Variants in PCDHA1 observed in about 807,000 individuals in gnomAD.
PCDHA1 encodes the protein protocadherin alpha-1.
PCDHA1 carries 42 observed loss-of-function variants against 61.3 expected under a neutral mutation model. The observed-to-expected ratio is 0.69, with a 90% confidence interval of 0.54 to 0.89. The LOEUF (loss-of-function observed/expected upper bound fraction) is 0.89, where lower values mean the gene tolerates loss of function less well. PCDHA1 is among the 40% of genes least tolerant of loss of function. The pLI is 0.00. For synonymous variants in PCDHA1, 610 were observed against 553.8 expected, an observed-to-expected ratio of 1.10 and a Z score of -1.43; for missense variants, 1,256 against 1,235.3, an observed-to-expected ratio of 1.02 and a Z score of -0.25.
At chr5:140,896,191 C>T (rs987655303) in intron 1 of PCDHA1, among the ~76,000 whole-genome samples, 1 of 152,184 alleles carries the variant, frequency 6.6e-6, no homozygotes, top group African/African-American at 2.4e-5. Flanking sequence ...GTGAATAGTG[C>T]CATGATGAAC....
intron 1 of PCDHA1, chr5:140,884,203 C>G (rs554797854): frequency 6.2e-7 from 1 of 1,613,518 alleles, no homozygotes; most frequent in African/African-American, 1.3e-5. Context: ...CGCCGCACCA[C>G]CGCCTTCTGG....
chr5:140,788,405 C>A lies in PCDHA1; in HGVS notation c.2115C>A (p.Cys705Ter), dbSNP rs2149897953. ...DVNVYLIIAICAVSSLLVLTL... is the reference protein window; with the variant it reads ...DVNVYLIIAI ...ACGTGTACCTGATCATCGCCATCTG[C>A]GCGGTGTCCAGCCTGCTGGTGCTCA... is the stretch of plus-strand genomic sequence containing the variant. Residue 705 changes from cysteine (C) to a stop codon, truncating the protein, a stop_gained, in exon 1 of 4, where the codon TGC becomes TGA. Coordinates refer to ENST00000504120, the MANE Select transcript of PCDHA1 (RefSeq NM_018900.4). LOFTEE classifies it high-confidence loss of function. The A allele has an allele frequency of 1.2e-6, 2 of 1,614,090 alleles. No individual in the cohort carries two copies. The highest frequency in any genetic ancestry group is 1.7e-6 in the Non-Finnish European group (2 of 1,179,980).
intron 3 of PCDHA1, among the ~76,000 whole-genome samples, chr5:140,992,017 CTG>C (rs10602499): frequency 0.14 from 19,772 of 145,244 alleles, 1,405 homozygotes; most frequent in African/African-American, 0.18. Flanking sequence ...AGAGGTGGCT[CTG>C]TGTGTGTGTG....
chr5:140,929,614 A>G (rs1554207224), intron 1 of PCDHA1: 1 of 405,948 alleles, frequency 2.5e-6, no homozygotes, highest in African/African-American at 2.1e-5. Context: ...ATAAAATACC[A>G]AAATATTTTA....
intron 1 of PCDHA1, chr5:140,807,244 T>C: frequency 6.2e-7 from 1 of 1,614,190 alleles, no homozygotes; most frequent in Non-Finnish European, 8.5e-7. Flanking sequence ...TCTTACTTCT[T>C]CTCCTCGCAG....
At chr5:140,795,012 C>T (rs782681638) in intron 1 of PCDHA1, 3 of 1,613,756 alleles carry the variant, frequency 1.9e-6, no homozygotes, top group East Asian at 2.2e-5. Context: ...CACGGCTGCT[C>T]TCGCTTCTGC....
chr5:140,796,198 G>C (rs549114768), intron 1 of PCDHA1: 1 of 1,614,184 alleles, frequency 6.2e-7, no homozygotes, highest in Admixed American at 1.7e-5. Context: ...GCTGGACAGC[G>C]CCCTGGACCG....
At chr5:140,849,920 C>A in intron 1 of PCDHA1, 1 of 1,598,384 alleles carries the variant, frequency 6.3e-7, no homozygotes, top group Non-Finnish European at 8.6e-7. Context: ...GCCACATCTT[C>A]ACGGTGTCTG....
chr5:140,850,103 C>G (rs2150467019), intron 1 of PCDHA1: 2 of 1,596,104 alleles, frequency 1.3e-6, no homozygotes, highest in Admixed American at 3.4e-5. Flanking sequence ...TCCAGGTGAG[C>G]GCGCGCGACG....
intron 1 of PCDHA1, chr5:140,884,394 G>A (rs2060142596): frequency 3.7e-6 from 6 of 1,613,880 alleles, no homozygotes; most frequent in East Asian, 2.2e-5. Flanking sequence ...GCGGTGTCCA[G>A]CCTGTTGGTG....
At chr5:140,850,634 C>T (rs2150491694) in intron 1 of PCDHA1, 2 of 1,598,662 alleles carry the variant, frequency 1.3e-6, no homozygotes, top group South Asian at 1.1e-5. Flanking sequence ...TGTTGGTTCT[C>T]ACGCTGCTGC....
chr5:140,801,927 A>G (rs374257547), intron 1 of PCDHA1: 12 of 1,614,214 alleles, frequency 7.4e-6, no homozygotes, highest in Non-Finnish European at 1.0e-5. Flanking sequence ...AGCGTTTGAG[A>G]GGACGATCTA....
In PCDHA1 at chr5:140,829,825, C is replaced by G. The variant is rs2150175451; in HGVS notation, c.2394+41141C>G. 1.2e-5 allele frequency: 19 copies of G among 1,613,864 alleles called. 1 individual carries two copies. In the South Asian group the frequency reaches 2.0e-4, roughly 17 times the overall value. ...TGGGTGGTACTGGTGGTGCAGTGAG[C>G]GAGCTGGTGCCGCGGTCACTGGGTG... On this transcript the variant is annotated intron_variant, in intron 1 of 3. Transcript: ENST00000504120.
At chr5:140,876,955 G>C in intron 1 of PCDHA1, 1 of 1,613,390 alleles carries the variant, frequency 6.2e-7, no homozygotes, top group Admixed American at 1.7e-5. Flanking sequence ...CTACTCGCTG[G>C]TGGAGCGGCG....
chr5:140,963,312 TG>T (rs2153735087), intron 1 of PCDHA1, among the ~76,000 whole-genome samples: 1 of 152,332 alleles, frequency 6.6e-6, no homozygotes, highest in African/African-American at 2.4e-5. Flanking sequence ...AGAAGCTGTT[TG>T]TATTAGAATT....
At chr5:140,943,515 G>C (rs2093511975) in intron 1 of PCDHA1, among the ~76,000 whole-genome samples, 1 of 152,100 alleles carries the variant, frequency 6.6e-6, no homozygotes, top group African/African-American at 2.4e-5. Context: ...TGGAAATGTT[G>C]AGTTCAGTAT....
At chr5:140,803,073 C>T (rs782642335) in intron 1 of PCDHA1, 2 of 1,613,942 alleles carry the variant, frequency 1.2e-6, no homozygotes, top group Non-Finnish European at 1.7e-6. Context: ...TCGCGTGGGG[C>T]TGTACACGGG....
intron 1 of PCDHA1, chr5:140,842,411 C>A (rs2150335386): frequency 1.9e-6 from 3 of 1,612,732 alleles, no homozygotes; most frequent in Non-Finnish European, 2.5e-6. Context: ...TGAAGACGCT[C>A]AATTTGGTAC....
chr5:140,920,780 G>A lies in PCDHA1; in HGVS notation c.2395-58169G>A, dbSNP rs187594262. Among the ~76,000 whole-genome samples the A allele has an allele frequency of 7.9e-3, 1,202 of 151,454 alleles. 5 individuals carry two copies. Among genetic ancestry groups the A allele is most frequent in the African/African-American group, 0.019 (781 of 41,244 alleles). ...AATTGCTTACACCTGGGAGGTGGAG[G>A]TTGCAGGGAACCAAGATCACGCCAC... On this transcript the variant is annotated intron_variant, in intron 1 of 3. Transcript: ENST00000504120.
Sources: gnomAD v4.1 joint callset for allele counts (sites outside exome capture counted in the v4.1 genomes callset) on GRCh38, gnomAD v4.1.1 for gene constraint, MANE v1.5 for transcripts, NCBI Gene and HGNC (gene_info 2026-07-23, HGNC 2026-07-21) for gene names.